Variants in TBL1XR1 observed in about 807,000 individuals in gnomAD.
The protein encoded by TBL1XR1 is TBL1X/Y related 1.
In TBL1XR1, 5 loss-of-function variants were observed where a neutral mutation model predicts 66.9. The observed-to-expected ratio is 0.07, with a 90% CI of 0.04 to 0.16. The LOEUF (loss-of-function observed/expected upper bound fraction) is 0.16, where lower values mean the gene tolerates loss of function less well. Ranked by LOEUF, TBL1XR1 falls within the 10% of genes least tolerant of loss-of-function variation. The pLI is 1.00. For synonymous variants in TBL1XR1, 210 were observed against 206.0 expected, an observed-to-expected ratio of 1.02 and a Z score of -0.17; for missense variants, 238 against 623.2, an observed-to-expected ratio of 0.38 and a Z score of 6.58.
intron 1 of TBL1XR1, chr3:177,163,899 G>T (rs1449452698): frequency 6.6e-6 from 1 of 152,084 alleles, no homozygotes; most frequent in Non-Finnish European, 1.5e-5. Context: ...CAATAGTTTA[G>T]ATTTATGTTA....
intron 2 of TBL1XR1, among the ~76,000 whole-genome samples, chr3:177,088,174 A>C (rs1259400901): frequency 6.6e-6 from 1 of 152,208 alleles, no homozygotes; most frequent in Non-Finnish European, 1.5e-5. Context: ...AACAAGTTCT[A>C]TCACAGTTAA....
chr3:177,119,357 C>G (rs1389723384), intron 1 of TBL1XR1, among the ~76,000 whole-genome samples: 1 of 152,144 alleles, frequency 6.6e-6, no homozygotes, highest in Non-Finnish European at 1.5e-5. Context: ...ATCCTGGAAC[C>G]TTTTCCACAA....
chr3:177,091,747 A>G (rs971287490), intron 2 of TBL1XR1, among the ~76,000 whole-genome samples: 1 of 152,238 alleles, frequency 6.6e-6, no homozygotes, highest in Non-Finnish European at 1.5e-5. Flanking sequence ...AATACTAGAA[A>G]GGCTTCCAGG....
intron 1 of TBL1XR1, among the ~76,000 whole-genome samples, chr3:177,185,111 G>A (rs1735251849): frequency 6.6e-6 from 1 of 151,908 alleles, no homozygotes; most frequent in Non-Finnish European, 1.5e-5. Flanking sequence ...AACATCAACA[G>A]TTCAAAAGGT....
At chr3:177,104,357 G>A (rs965198813) in intron 1 of TBL1XR1, among the ~76,000 whole-genome samples, 8 of 152,066 alleles carry the variant, frequency 5.3e-5, no homozygotes, top group South Asian at 2.1e-4. Context: ...TTCTTAATCC[G>A]TTTTACAAAA....
chr3:177,198,145 A>G (rs1485237304), upstream of TBL1XR1, among the ~76,000 whole-genome samples: 1 of 152,206 alleles, frequency 6.6e-6, no homozygotes, highest in Admixed American at 6.5e-5. Context: ...TCCGAAGCGT[A>G]CCTGGAAAGG....
At chr3:177,190,579 A>C (rs943110878) in intron 1 of TBL1XR1, among the ~76,000 whole-genome samples, 1 of 152,142 alleles carries the variant, frequency 6.6e-6, no homozygotes, top group Non-Finnish European at 1.5e-5. Context: ...GGGCCTCCCA[A>C]AGTGCAGAGA....
chr3:177,029,551 G>A (rs114978085), intron 14 of TBL1XR1, among the ~76,000 whole-genome samples: 3,657 of 152,200 alleles, frequency 0.024, 55 homozygotes, highest in Non-Finnish European at 0.034. Flanking sequence ...AGCCCAGGAA[G>A]GCCAAGGCTG....
intron 10 of TBL1XR1, 128 bp from the exon 11 acceptor site, chr3:177,038,562 T>C (rs1715131966): frequency 2.4e-6 from 2 of 841,442 alleles, no homozygotes; most frequent in Admixed American, 3.7e-5. Flanking sequence ...TTTATACTTT[T>C]TAAGATATTA....
At chr3:177,145,676 A>G (rs1009809915) in intron 1 of TBL1XR1, among the ~76,000 whole-genome samples, 17 of 152,218 alleles carry the variant, frequency 1.1e-4, no homozygotes, top group Non-Finnish European at 2.4e-4. Flanking sequence ...TAAATCTCTA[A>G]AAGACCCAGA....
At chr3:177,176,998 T>C (rs926209600) in intron 1 of TBL1XR1, among the ~76,000 whole-genome samples, 1 of 151,962 alleles carries the variant, frequency 6.6e-6, no homozygotes, top group African/African-American at 2.4e-5. Flanking sequence ...AAAAGGAAAA[T>C]AGCAGGGCTG....
At chr3:177,034,082 GAAAAA>G (rs200642827) in intron 13 of TBL1XR1, 111 bp downstream of exon 13, 12 of 927,082 alleles carry the variant, frequency 1.3e-5, no homozygotes, top group South Asian at 5.3e-5. Flanking sequence ...ACTGAAATTG[GAAAAA>G]AAAAAAAAAA....
rs867163197 is a variant in TBL1XR1 at position 177,124,918 on chromosome 3, A to C, written c.-121-26377T>G. Among the ~76,000 whole-genome samples the C allele has an allele frequency of 7.2e-5, 11 of 152,260 alleles. 1 individual carries two copies. In the Middle Eastern group the frequency reaches 0.02, roughly 282 times the overall value. On this transcript the variant is annotated intron_variant, in intron 1 of 15. Transcript: ENST00000457928. The stretch of plus-strand genomic sequence containing the variant: ...TAGAACCCTACTTCACACCATATAA[A>C]AAATTATCACAAACTGGGTTATAGA...
In TBL1XR1 at chr3:177,071,031, G is replaced by GTTTTTTTTTTTTTTTTTTTTTTT. The variant is rs764951521; in HGVS notation, c.-45-6010_-45-6009insAAAAAAAAAAAAAAAAAAAAAAA. Among the ~76,000 whole-genome samples the GTTTTTTTTTTTTTTTTTTTTTTT allele has an allele frequency of 3.3e-4, 35 of 104,682 alleles. 5 individuals carry two copies. Among genetic ancestry groups the GTTTTTTTTTTTTTTTTTTTTTTT allele is most frequent in the African/African-American group, 1.3e-3 (34 of 25,842 alleles). The allele number at this position is 104,682 out of a possible 152,430, so 68.7% of individuals were successfully genotyped here. A position where few individuals can be genotyped will look rare whatever the true frequency, so the allele number is the denominator to read the frequency against. On this transcript the variant is annotated intron_variant, in intron 2 of 15. Coordinates refer to ENST00000457928, the MANE Select transcript of TBL1XR1 (RefSeq NM_024665.7). Reference sequence around the variant, plus strand: ...TGGAACAGACATGTTCTGAGAATCTGTTTTTTTTTTTTTTTTTGAGACAGA... The same window carrying GTTTTTTTTTTTTTTTTTTTTTTT: ...TGGAACAGACATGTTCTGAGAATCTGTTTTTTTTTTTTTTTTTTTTTTTTTTTTTTTTTTTTTTTTGAGACAGA...
intron 2 of TBL1XR1, among the ~76,000 whole-genome samples, chr3:177,080,126 G>A (rs1323566527): frequency 1.3e-5 from 2 of 152,122 alleles, no homozygotes; most frequent in East Asian, 3.9e-4. Context: ...ATTTTCATAA[G>A]GACATAATTA....
chr3:177,189,664 A>AAAAAAAAAAAAAAAAAAATTTC (rs57549428), intron 1 of TBL1XR1, among the ~76,000 whole-genome samples: 1 of 141,880 alleles, frequency 7.0e-6, no homozygotes, highest in African/African-American at 2.7e-5. Context: ...AAAAAAAAAA[A>AAAAAAAAAAAAAAAAAAATTTC]AGAAGGATGT....
chr3:177,168,897 A>G (rs1400909719), intron 1 of TBL1XR1, among the ~76,000 whole-genome samples: 1 of 152,282 alleles, frequency 6.6e-6, no homozygotes, highest in East Asian at 1.9e-4. Context: ...GAAAATACAG[A>G]TTTGGAGAGG....
intron 1 of TBL1XR1, among the ~76,000 whole-genome samples, chr3:177,168,679 T>G (rs1388315505): frequency 6.6e-6 from 1 of 152,192 alleles, no homozygotes; most frequent in Non-Finnish European, 1.5e-5. Flanking sequence ...ATAATGAACA[T>G]ACTGAACTTT....
At chr3:177,082,007 A>G (rs1383163462) in intron 2 of TBL1XR1, among the ~76,000 whole-genome samples, 1 of 152,144 alleles carries the variant, frequency 6.6e-6, no homozygotes, top group African/African-American at 2.4e-5. Context: ...TTGATTGTTC[A>G]CCACTAAATT....
Sources: gnomAD v4.1 joint callset for allele counts (sites outside exome capture counted in the v4.1 genomes callset) on GRCh38, gnomAD v4.1.1 for gene constraint, MANE v1.5 for transcripts, NCBI Gene and HGNC (gene_info 2026-07-23, HGNC 2026-07-21) for gene names.